The following NEK9 variants were observed in gnomAD, a reference collection of about 807,000 sequenced individuals.
NEK9 encodes the protein NIMA related kinase 9.
In NEK9, 75 loss-of-function variants were observed where a neutral mutation model predicts 123.4. That is an observed-to-expected ratio of 0.61 (90% CI 0.50 to 0.74). NEK9 has a LOEUF of 0.74. Among genes scored for constraint, NEK9 ranks in the 30% least tolerant of loss-of-function variants. NEK9 has a pLI of 0.00. For missense variants in NEK9, 952 were observed against 1,214.4 expected, an observed-to-expected ratio of 0.78 and a Z score of 3.21; for synonymous variants, 438 against 458.7, an observed-to-expected ratio of 0.95 and a Z score of 0.58.
At chr14:75,092,558 C>T (rs1314767960) in intron 18 of NEK9, among the ~76,000 whole-genome samples, 1 of 152,242 alleles carries the variant, frequency 6.6e-6, no homozygotes, top group Non-Finnish European at 1.5e-5. Context: ...TCAGCCACTG[C>T]GCCCGGCCAA....
intron 16 of NEK9, among the ~76,000 whole-genome samples, chr14:75,098,509 G>A (rs1472633725): frequency 6.6e-6 from 1 of 152,122 alleles, no homozygotes; most frequent in Non-Finnish European, 1.5e-5. Context: ...TGTATAGGGG[G>A]AATTTAAGGG....
At chr14:75,126,607 A>T in intron 1 of NEK9, 96 bp downstream of exon 1, 1 of 977,564 alleles carries the variant, frequency 1.0e-6, no homozygotes, top group East Asian at 3.3e-5. Context: ...CGCCTAAAGC[A>T]CTAAGCTCAC....
chr14:75,101,574 T>C, intron 15 of NEK9, 83 bp downstream of exon 15: 1 of 835,598 alleles, frequency 1.2e-6, no homozygotes, highest in Admixed American at 2.3e-5. Context: ...CGGGATGATA[T>C]ACATATAAAG....
At position 75,101,146 on chromosome 14, in the gene NEK9, G is replaced by A. The variant is rs1477357004; in HGVS notation, c.1848C>T (p.Gly616=). The A allele has an allele frequency of 2.0e-5, 33 of 1,613,816 alleles. No individual in the cohort carries two copies. Among genetic ancestry groups the A allele is most frequent in the Non-Finnish European group, 2.7e-5 (32 of 1,179,936 alleles). The change falls in exon 16 of 22, where the codon GGC becomes GGT. Residue 616 remains glycine, a synonymous_variant. Coordinates refer to ENST00000238616, the MANE Select transcript of NEK9 (RefSeq NM_033116.6). ...TGTTGCAGCCAAAGGTCAGCAGCCGGCCTCGCTCTGAGAGAGAAGCAAAAA... is the reference window on the plus strand; with the variant it reads ...TGTTGCAGCCAAAGGTCAGCAGCCGACCTCGCTCTGAGAGAGAAGCAAAAA... The part of the protein sequence containing the change: ...KTHTAAIDER[G]RLLTFGCNKC...
rs1175285150 is a variant in NEK9, at chr14:75,126,750, G to A, written c.172C>T (p.Leu58=). 4.7e-6 allele frequency: 7 copies of A among 1,504,332 alleles called. No homozygotes were observed. Among genetic ancestry groups the A allele is most frequent in the Admixed American group, 2.2e-5 (1 of 44,462 alleles). The allele number at this position is 1,504,332 out of a possible 1,614,324, so 93.2% of individuals were successfully genotyped here. A position where few individuals can be genotyped will look rare whatever the true frequency, so the allele number is the denominator to read the frequency against. ...EELHYIPIRV[L]GRGAFGEATL... Reference sequence around the variant, plus strand: ...GCTTCCCCGAAGGCGCCGCGGCCCAGGACGCGGATGGGGATGTAGTGCAGT... The same window carrying A: ...GCTTCCCCGAAGGCGCCGCGGCCCAAGACGCGGATGGGGATGTAGTGCAGT... The change falls in exon 1 of 22, where the codon CTG becomes TTG. Residue 58 remains leucine, a synonymous_variant. Coordinates refer to ENST00000238616, the MANE Select transcript of NEK9 (RefSeq NM_033116.6).
rs1002462199 is a variant in NEK9 at position 75,107,279 on chromosome 14, C to T, written c.1327+64G>A. On this transcript the variant is annotated intron_variant, in intron 11 of 21. Transcript: ENST00000238616. ...TGTTTTAAAATCCCAACTAAGATTG[C>T]ACAGCATTAAGCAAAATACCCCCAC... 91 of 1,529,370 alleles carry T rather than the reference C, an allele frequency of 6.0e-5. No homozygotes were observed. The South Asian group carries it at 8.8e-4, about 15-fold the overall frequency. 94.7% of individuals were successfully genotyped at this position (1,529,370 alleles called of 1,614,324 possible). A position where few individuals can be genotyped will look rare whatever the true frequency, so the allele number is the denominator to read the frequency against.
chr14:75,117,046 G>A, intron 6 of NEK9, 149 bp downstream of exon 6: 1 of 947,742 alleles, frequency 1.1e-6, no homozygotes, highest in Non-Finnish European at 1.5e-6. Flanking sequence ...TGGGTCTATA[G>A]CATTTTAGTA....
chr14:75,096,318 A>AATGTATGTG (rs1555351795), intron 17 of NEK9, among the ~76,000 whole-genome samples: 3 of 148,154 alleles, frequency 2.0e-5, no homozygotes, highest in Non-Finnish European at 3.0e-5. Flanking sequence ...CAAGGATTCT[A>AATGTATGTG]ATGTATGTGC....
chr14:75,126,984 T>G lies in NEK9; in HGVS notation c.-63A>C, dbSNP rs1895559724. The G allele has an allele frequency of 7.5e-7, 1 of 1,328,972 alleles. No individual in the cohort carries two copies. The highest frequency in any genetic ancestry group is 9.9e-7 in the Non-Finnish European group (1 of 1,013,152). The allele number at this position is 1,328,972 out of a possible 1,614,324, so 82.3% of individuals were successfully genotyped here. ...GCCCGGAGGCCCTGGCCGCGCTGCG[T>G]CCCGCTCGCTTCAGATGCCGGCCCG... On this transcript the variant is annotated 5_prime_UTR_variant, in exon 1 of 22. Transcript: ENST00000238616.
At position 75,084,455 on chromosome 14, in the gene NEK9, T is replaced by TC; in HGVS notation, c.*108dup. 1 of 1,370,878 alleles carries TC rather than the reference T, an allele frequency of 7.3e-7. No homozygotes were observed. The highest frequency in any genetic ancestry group is 1.0e-6 in the Non-Finnish European group (1 of 982,718). The allele number at this position is 1,370,878 out of a possible 1,614,324, so 84.9% of individuals were successfully genotyped here. A position where few individuals can be genotyped will look rare whatever the true frequency, so the allele number is the denominator to read the frequency against. On this transcript the variant is annotated 3_prime_UTR_variant, in exon 22 of 22. Transcript: ENST00000238616. The stretch of plus-strand genomic sequence containing the variant: ...GTGCTTCAGAGCCTCTGCCTTGCGC[T>TC]CCTTTTCTGCAAGTGAACAAAGCCA...
chr14:75,120,057 G>A (rs1338071202), intron 4 of NEK9, among the ~76,000 whole-genome samples: 2 of 152,200 alleles, frequency 1.3e-5, no homozygotes, highest in Non-Finnish European at 2.9e-5. Context: ...TCTATAGCTA[G>A]AAATGAATGC....
chr14:75,098,029 T>C (rs1894445699), intron 16 of NEK9, among the ~76,000 whole-genome samples: 1 of 152,186 alleles, frequency 6.6e-6, no homozygotes. Context: ...CACTGGAGGT[T>C]TTGAGCAGTA....
intron 16 of NEK9, among the ~76,000 whole-genome samples, chr14:75,097,556 A>G (rs1894430400): frequency 6.6e-6 from 1 of 152,206 alleles, no homozygotes. Flanking sequence ...CTGAACATCT[A>G]TTTCATGACA....
intron 16 of NEK9, 38 bp downstream of exon 16, chr14:75,100,954 T>G (rs775837504): frequency 6.3e-7 from 1 of 1,586,648 alleles, no homozygotes; most frequent in Non-Finnish European, 8.6e-7. Context: ...AACACAGCCA[T>G]GTGTCCAGAA....
chr14:75,120,642 C>G (rs1050955452), intron 3 of NEK9, 62 bp from the exon 4 acceptor site: 36 of 1,204,304 alleles, frequency 3.0e-5, no homozygotes, highest in African/African-American at 4.6e-5. Context: ...TAAATACACA[C>G]ACACATAAAC....
In NEK9 at chr14:75,106,486, A is replaced by T. The variant is rs758937202; in HGVS notation, c.1528+16T>A. On this transcript the variant is annotated intron_variant, in intron 12 of 21. Coordinates refer to ENST00000238616, the MANE Select transcript of NEK9 (RefSeq NM_033116.6). ...TATACCTGTGAAGAAGTGGACAGAGACAAGGCTACCCCTACCATATTCGCC... is the reference window on the plus strand; with the variant it reads ...TATACCTGTGAAGAAGTGGACAGAGTCAAGGCTACCCCTACCATATTCGCC... The T allele has an allele frequency of 9.9e-6, 16 of 1,613,726 alleles. No individual in the cohort carries two copies. In the Admixed American group the frequency reaches 2.7e-4, roughly 27 times the overall value.
At chr14:75,121,658 G>A (rs1021858931) in intron 2 of NEK9, among the ~76,000 whole-genome samples, 3 of 152,200 alleles carry the variant, frequency 2.0e-5, no homozygotes, top group South Asian at 2.1e-4. Flanking sequence ...AGACCAGCCT[G>A]GGCAACACGG....
In NEK9 at chr14:75,109,575, A is replaced by T. The variant is rs940488592; in HGVS notation, c.1182+110T>A. The T allele has an allele frequency of 3.2e-6, 3 of 944,508 alleles. No individual in the cohort carries two copies. The East Asian group carries it at 7.6e-5, about 24-fold the overall frequency. 58.5% of individuals were successfully genotyped at this position (944,508 alleles called of 1,614,324 possible). On this transcript the variant is annotated intron_variant, in intron 10 of 21. Transcript: ENST00000238616. ...ATAAGAGCTTCCATTCCATCACCCCATGTTGCCACTCCCTTAGTATAGGTT... is the reference window on the plus strand; with the variant it reads ...ATAAGAGCTTCCATTCCATCACCCCTTGTTGCCACTCCCTTAGTATAGGTT...
chr14:75,116,952 T>A (rs1028892262), intron 6 of NEK9, among the ~76,000 whole-genome samples: 1 of 152,132 alleles, frequency 6.6e-6, no homozygotes, highest in African/African-American at 2.4e-5. Flanking sequence ...GGTTTCACCA[T>A]GTTGGCCGGG....
Sources: gnomAD v4.1 joint callset for allele counts (sites outside exome capture counted in the v4.1 genomes callset) on GRCh38, gnomAD v4.1.1 for gene constraint, MANE v1.5 for transcripts, NCBI Gene and HGNC (gene_info 2026-07-23, HGNC 2026-07-21) for gene names.